Variants in CPNE4 observed in about 807,000 individuals in gnomAD.
CPNE4 encodes the protein copine 4.
A neutral mutation model predicts 67.9 loss-of-function variants in CPNE4; 25 were observed. The observed-to-expected ratio is 0.37, with a 90% confidence interval of 0.27 to 0.51. The LOEUF (loss-of-function observed/expected upper bound fraction) is 0.51, where lower values mean the gene tolerates loss of function less well. Ranked by LOEUF, CPNE4 falls within the 20% of genes least tolerant of loss-of-function variation. CPNE4 has a pLI of 0.93. For synonymous variants in CPNE4, 242 were observed against 244.9 expected (o/e 0.99, Z 0.11); for missense variants, 464 against 690.8 (o/e 0.67, Z 3.68).
At position 131,693,129 on chromosome 3, in the gene CPNE4, A is replaced by G. The variant is rs911246704; in HGVS notation, c.507+3413T>C. The stretch of plus-strand genomic sequence containing the variant: ...TGATTGCTAGTCTGTTGAAAGACAA[A>G]TTAAAAATGACTGTTTCTGTCAAAA... On this transcript the variant is annotated intron_variant, in intron 5 of 15. Transcript: ENST00000429747. Among the ~76,000 whole-genome samples, 14 of 152,296 alleles carry G rather than the reference A, an allele frequency of 9.2e-5. 1 individual carries two copies. Among genetic ancestry groups the G allele is most frequent in the Admixed American group, 6.5e-4 (10 of 15,290 alleles).
chr3:131,822,032 C>T (rs1444651614), intron 2 of CPNE4, among the ~76,000 whole-genome samples: 1 of 152,144 alleles, frequency 6.6e-6, no homozygotes, highest in Non-Finnish European at 1.5e-5. Flanking sequence ...TGGGAGATTG[C>T]TTACATATAC....
chr3:131,576,542 T>C (rs1266048357), intron 9 of CPNE4, among the ~76,000 whole-genome samples: 1 of 152,102 alleles, frequency 6.6e-6, no homozygotes. Flanking sequence ...ATTTGTACAG[T>C]TATGATAAGA....
chr3:131,707,792 AG>A (rs2081451223), intron 3 of CPNE4, among the ~76,000 whole-genome samples: 1 of 152,074 alleles, frequency 6.6e-6, no homozygotes, highest in South Asian at 2.1e-4. Flanking sequence ...AACCACTACA[AG>A]GGCCACTGAA....
intron 11 of CPNE4, among the ~76,000 whole-genome samples, chr3:131,563,809 G>A (rs1018737730): frequency 6.6e-6 from 1 of 152,058 alleles, no homozygotes; most frequent in African/African-American, 2.4e-5. Context: ...AGGATCAGAT[G>A]TAATAATGTC....
chr3:131,698,454 C>T (rs2081211669), intron 4 of CPNE4, among the ~76,000 whole-genome samples: 4 of 151,660 alleles, frequency 2.6e-5, no homozygotes. Context: ...TCAGTGTCTT[C>T]AAAGAACACT....
chr3:131,812,704 AG>A (rs2084583711), intron 2 of CPNE4, among the ~76,000 whole-genome samples: 1 of 152,222 alleles, frequency 6.6e-6, no homozygotes, highest in African/African-American at 2.4e-5. Context: ...ATGACTTACA[AG>A]AGAGTAAGTT....
intron 1 of CPNE4, among the ~76,000 whole-genome samples, chr3:132,027,297 G>A (rs1016574275): frequency 6.6e-6 from 1 of 152,152 alleles, no homozygotes; most frequent in Non-Finnish European, 1.5e-5. Flanking sequence ...ACGAGCTTGA[G>A]CAAGTCACTT....
intron 2 of CPNE4, among the ~76,000 whole-genome samples, chr3:131,727,234 T>C (rs1049817662): frequency 5.3e-5 from 8 of 152,176 alleles, no homozygotes; most frequent in Admixed American, 5.2e-4. Context: ...AAAAGGCAGC[T>C]AGATTATGGT....
intron 3 of CPNE4, among the ~76,000 whole-genome samples, chr3:131,700,657 G>T (rs1250689591): frequency 1.3e-5 from 2 of 152,246 alleles, no homozygotes; most frequent in Non-Finnish European, 2.9e-5. Flanking sequence ...AGCCATGATT[G>T]GTTGGCAACC....
At chr3:131,880,285 T>C (rs185498007) in intron 2 of CPNE4, among the ~76,000 whole-genome samples, 3 of 152,040 alleles carry the variant, frequency 2.0e-5, no homozygotes, top group Admixed American at 2.0e-4. Context: ...CCGGCTAATT[T>C]TTTGTGTTTT....
chr3:131,950,761 C>A (rs547175372), intron 1 of CPNE4, among the ~76,000 whole-genome samples: 52 of 152,276 alleles, frequency 3.4e-4, no homozygotes, highest in African/African-American at 1.2e-3. Context: ...TTATTCAAAA[C>A]GTGTGTACCT....
chr3:132,034,904 G>C lies in CPNE4; in HGVS notation c.-339C>G. 2 of 985,482 alleles carry C rather than the reference G, an allele frequency of 2.0e-6. No homozygotes were observed. Among genetic ancestry groups the C allele is most frequent in the South Asian group, 4.7e-5 (1 of 21,274 alleles). 61.0% of individuals were successfully genotyped at this position (985,482 alleles called of 1,614,324 possible). A position where few individuals can be genotyped will look rare whatever the true frequency, so the allele number is the denominator to read the frequency against. On this transcript the variant is annotated 5_prime_UTR_variant, in exon 1 of 16. Transcript: ENST00000429747. ...GAGGAGGGTACTGAGAAAAGAGGGA[G>C]GGAGTGGAGTGGAGCGAGGGAGGAA...
chr3:131,837,684 C>T (rs1250285686), intron 2 of CPNE4, among the ~76,000 whole-genome samples: 1 of 151,710 alleles, frequency 6.6e-6, no homozygotes, highest in Non-Finnish European at 1.5e-5. Context: ...TACTACCCTC[C>T]ACCAAAAATG....
intron 2 of CPNE4, among the ~76,000 whole-genome samples, chr3:131,801,703 G>A (rs907341666): frequency 1.3e-5 from 2 of 149,876 alleles, no homozygotes; most frequent in African/African-American, 4.9e-5. Flanking sequence ...CCAAAACTGG[G>A]CATTATAGTG....
At chr3:131,727,512 G>T (rs1198322290) in intron 2 of CPNE4, among the ~76,000 whole-genome samples, 1 of 151,802 alleles carries the variant, frequency 6.6e-6, no homozygotes, top group Admixed American at 6.6e-5. Flanking sequence ...TAATAATAAA[G>T]TCAATAACAA....
chr3:131,559,779 C>G (rs1936660861), intron 11 of CPNE4, among the ~76,000 whole-genome samples: 1 of 151,918 alleles, frequency 6.6e-6, no homozygotes, highest in Admixed American at 6.6e-5. Flanking sequence ...CATTGAAGAG[C>G]TTGCTCATTT....
chr3:131,552,167 A>ATTG (rs1285218380), intron 13 of CPNE4, among the ~76,000 whole-genome samples: 3 of 151,828 alleles, frequency 2.0e-5, no homozygotes, highest in Admixed American at 6.6e-5. Flanking sequence ...TATTATTATT[A>ATTG]TTATGGCCCA....
At chr3:131,590,712 A>C (rs1031177097) in intron 7 of CPNE4, among the ~76,000 whole-genome samples, 2 of 152,236 alleles carry the variant, frequency 1.3e-5, no homozygotes, top group Admixed American at 6.5e-5. Context: ...CAGAAACTGC[A>C]GGACCACATG....
intron 7 of CPNE4, among the ~76,000 whole-genome samples, chr3:131,628,377 A>G (rs1395301005): frequency 6.6e-6 from 1 of 152,212 alleles, no homozygotes; most frequent in Non-Finnish European, 1.5e-5. Flanking sequence ...AGAAAATGAG[A>G]GGGAAGCAAA....
Sources: gnomAD v4.1 joint callset for allele counts (sites outside exome capture counted in the v4.1 genomes callset) on GRCh38, gnomAD v4.1.1 for gene constraint, MANE v1.5 for transcripts, NCBI Gene and HGNC (gene_info 2026-07-23, HGNC 2026-07-21) for gene names.